The following CPED1 variants were observed in gnomAD, a reference collection of about 807,000 sequenced individuals.
The protein encoded by CPED1 is cadherin-like and PC-esterase domain-containing protein 1.
A neutral mutation model predicts 128.2 loss-of-function variants in CPED1; 114 were observed. The ratio of observed to expected loss-of-function variants is 0.89; its 90% confidence interval spans 0.76 to 1.04. The LOEUF is 1.04. Among genes scored for constraint, CPED1 ranks in the 50% least tolerant of loss-of-function variants. The pLI, the probability that CPED1 is intolerant of heterozygous loss-of-function variation, is 0.00. For missense variants in CPED1, 1,211 were observed against 1,207.1 expected (o/e 1.00, Z -0.05); for synonymous variants, 462 against 426.7 (o/e 1.08, Z -1.02).
Position 121,233,528 on chromosome 7 carries a change from G to A in CPED1, c.2056-3186G>A, listed in dbSNP as rs142868110. On this transcript the variant is annotated intron_variant, in intron 16 of 22. Transcript: ENST00000310396. ...GGTACCAGTGTACTCCAGCCTGAGC[G>A]ACAGAGGAAGGCTCTGTCTCAAAAC... Among the ~76,000 whole-genome samples the A allele has an allele frequency of 4.3e-4, 66 of 152,112 alleles. 1 individual carries two copies. Among genetic ancestry groups the A allele is most frequent in the Middle Eastern group, 3.4e-3 (1 of 294 alleles).
At chr7:121,215,556 C>A (rs76681387) in intron 16 of CPED1, among the ~76,000 whole-genome samples, 3,087 of 152,126 alleles carry the variant, frequency 0.02, 91 homozygotes, top group African/African-American at 0.071. Flanking sequence ...ATATTTTTAA[C>A]AAAGATAAAC....
intron 4 of CPED1, among the ~76,000 whole-genome samples, chr7:121,063,706 T>C (rs1793747012): frequency 6.6e-6 from 1 of 152,188 alleles, no homozygotes; most frequent in Non-Finnish European, 1.5e-5. Flanking sequence ...AAGGGAAGAA[T>C]TAAAGTTGTA....
At chr7:121,224,853 G>T (rs1334013893) in intron 16 of CPED1, among the ~76,000 whole-genome samples, 4 of 84,234 alleles carry the variant, frequency 4.7e-5, no homozygotes, top group African/African-American at 1.9e-4. Context: ...CCTTTATTTT[G>T]ATCCTATGTG....
intron 14 of CPED1, among the ~76,000 whole-genome samples, chr7:121,136,846 T>C (rs974698259): frequency 2.0e-5 from 3 of 152,004 alleles, no homozygotes; most frequent in African/African-American, 7.2e-5. Flanking sequence ...GAGGTTACAG[T>C]GTGCTATGGT....
intron 18 of CPED1, among the ~76,000 whole-genome samples, chr7:121,253,800 A>G (rs1326146290): frequency 6.6e-6 from 1 of 152,124 alleles, no homozygotes; most frequent in African/African-American, 2.4e-5. Context: ...ACTTTAAACC[A>G]ATACAAATTA....
intron 16 of CPED1, among the ~76,000 whole-genome samples, chr7:121,156,294 G>A (rs1487273931): frequency 6.6e-6 from 1 of 150,586 alleles, no homozygotes; most frequent in Admixed American, 6.7e-5. Flanking sequence ...CCTCAAAAAA[G>A]TAAAAATAGA....
At chr7:120,989,148 C>T in intron 1 of CPED1, 1 of 161,758 alleles carries the variant, frequency 6.2e-6, no homozygotes, top group Non-Finnish European at 1.3e-5. Context: ...GGCCTGAGTT[C>T]AGCTGTGCAA....
chr7:121,103,753 A>AT (rs1489988098), intron 7 of CPED1, among the ~76,000 whole-genome samples: 3 of 152,096 alleles, frequency 2.0e-5, no homozygotes, highest in Non-Finnish European at 2.9e-5. Flanking sequence ...ATCAGTAGTG[A>AT]TTTATGTACT....
intron 4 of CPED1, among the ~76,000 whole-genome samples, chr7:121,050,216 C>G (rs542889064): frequency 9.2e-5 from 14 of 152,306 alleles, no homozygotes; most frequent in African/African-American, 3.1e-4. Context: ...AAATATTTCT[C>G]AGATCTGTTA....
intron 6 of CPED1, among the ~76,000 whole-genome samples, 173 bp from the exon 7 acceptor site, chr7:121,099,753 C>T (rs971661862): frequency 3.9e-5 from 6 of 152,182 alleles, no homozygotes; most frequent in Non-Finnish European, 5.9e-5. Flanking sequence ...TGTACCTCTC[C>T]ACCACCTGGT....
chr7:121,103,779 C>T (rs939647169), intron 7 of CPED1, among the ~76,000 whole-genome samples: 1 of 151,990 alleles, frequency 6.6e-6, no homozygotes, highest in Non-Finnish European at 1.5e-5. Flanking sequence ...ATGAGGCAAG[C>T]CCACTAAACT....
At chr7:121,128,625 C>T (rs1795569421) in intron 11 of CPED1, 139 bp downstream of exon 11, 2 of 577,494 alleles carry the variant, frequency 3.5e-6, no homozygotes, top group African/African-American at 1.9e-5. Flanking sequence ...TTTGCTCTTT[C>T]AGAGATCTAA....
chr7:121,240,417 A>C (rs1162418109), intron 17 of CPED1, among the ~76,000 whole-genome samples: 1 of 152,222 alleles, frequency 6.6e-6, no homozygotes, highest in Non-Finnish European at 1.5e-5. Flanking sequence ...TCTCATTAGC[A>C]GAAACACATT....
chr7:121,118,573 A>G (rs1035099429), intron 7 of CPED1, among the ~76,000 whole-genome samples: 2 of 145,674 alleles, frequency 1.4e-5, no homozygotes. Context: ...AAAAAAAAAA[A>G]CAGAGAGAGA....
chr7:121,048,754 G>T (rs1223310488), intron 4 of CPED1, among the ~76,000 whole-genome samples: 1 of 152,102 alleles, frequency 6.6e-6, no homozygotes, highest in African/African-American at 2.4e-5. Context: ...GACCAGGCTG[G>T]TCTTGAACTC....
intron 3 of CPED1, among the ~76,000 whole-genome samples, chr7:121,043,844 A>G (rs1279875242): frequency 6.6e-6 from 1 of 152,248 alleles, no homozygotes; most frequent in Non-Finnish European, 1.5e-5. Context: ...AAACAAAAAC[A>G]AAACAAACGC....
chr7:121,147,970 C>T (rs753466543), intron 16 of CPED1, among the ~76,000 whole-genome samples: 6 of 151,956 alleles, frequency 3.9e-5, no homozygotes, highest in Non-Finnish European at 5.9e-5. Flanking sequence ...TTTTTTTGTA[C>T]CCTTCCAACA....
At chr7:121,088,397 C>T (rs906422453) in intron 5 of CPED1, among the ~76,000 whole-genome samples, 9 of 152,036 alleles carry the variant, frequency 5.9e-5, no homozygotes, top group African/African-American at 1.2e-4. Context: ...CAGTGGCTCA[C>T]GCCTGTAATC....
chr7:121,004,463 C>G (rs538953961), intron 2 of CPED1, among the ~76,000 whole-genome samples: 9 of 152,276 alleles, frequency 5.9e-5, no homozygotes, highest in African/African-American at 1.7e-4. Flanking sequence ...CATGTTTGCT[C>G]TGTGCCAGAA....
Sources: allele counts gnomAD v4.1 joint callset (sites outside exome capture counted in the v4.1 genomes callset), GRCh38; gene constraint gnomAD v4.1.1; transcripts MANE v1.5; gene names NCBI Gene and HGNC (gene_info 2026-07-23, HGNC 2026-07-21).